The following AGBL1 variants were observed in gnomAD, a reference collection of about 807,000 sequenced individuals.
The protein encoded by AGBL1 is cytosolic carboxypeptidase 4.
AGBL1 carries 130 observed loss-of-function variants against 118.9 expected under a neutral mutation model. That is an observed-to-expected ratio of 1.09 (90% CI 0.95 to 1.26). AGBL1 has a LOEUF of 1.26. Among genes scored for constraint, AGBL1 ranks in the 50% most tolerant of loss-of-function variants. AGBL1 has a pLI of 0.00. For synonymous variants in AGBL1, 555 were observed against 478.9 expected (o/e 1.16, Z -2.08); for missense variants, 1,584 against 1,298.1 (o/e 1.22, Z -3.38).
chr15:86,227,488 C>A (rs1314579286), intron 6 of AGBL1, among the ~76,000 whole-genome samples: 1 of 152,226 alleles, frequency 6.6e-6, no homozygotes, highest in African/African-American at 2.4e-5. Context: ...GGATATACAG[C>A]AACATCCCTG....
In AGBL1 at chr15:86,566,900, A is replaced by G. The variant is rs1458413228; in HGVS notation, c.2994+12363A>G. Among the ~76,000 whole-genome samples, 3 of 152,184 alleles carry G rather than the reference A, an allele frequency of 2.0e-5. No homozygotes were observed. The East Asian group carries it at 5.8e-4, about 29-fold the overall frequency. On this transcript the variant is annotated intron_variant, in intron 21 of 22. Transcript: ENST00000614907. ...TTCCAGGGAGAGCTCTACATTTCAC[A>G]GTTGTGACCTTGAGACAGTTCCTGA...
At chr15:86,282,197 G>A (rs961719235) in intron 16 of AGBL1, among the ~76,000 whole-genome samples, 1 of 152,110 alleles carries the variant, frequency 6.6e-6, no homozygotes, top group African/African-American at 2.4e-5. Flanking sequence ...GGGGGTCAAT[G>A]AGGAGAAGAT....
intron 22 of AGBL1, among the ~76,000 whole-genome samples, chr15:86,833,332 C>G (rs757140932): frequency 5.9e-5 from 9 of 152,066 alleles, no homozygotes; most frequent in Non-Finnish European, 1.3e-4. Context: ...ATTGTACCTC[C>G]CAGAATTCCC....
chr15:86,553,006 G>A (rs1466937598), intron 20 of AGBL1, among the ~76,000 whole-genome samples: 1 of 152,060 alleles, frequency 6.6e-6, no homozygotes. Context: ...AAGTACCAGA[G>A]AGAGTAAGAG....
At chr15:86,742,336 C>T (rs1164831649) in intron 22 of AGBL1, among the ~76,000 whole-genome samples, 5 of 152,128 alleles carry the variant, frequency 3.3e-5, no homozygotes, top group Admixed American at 6.6e-5. Context: ...AAACAATGCC[C>T]TCTGCTTTTG....
chr15:86,543,643 A>G (rs1334308330), intron 19 of AGBL1, among the ~76,000 whole-genome samples: 1 of 152,178 alleles, frequency 6.6e-6, no homozygotes, highest in Non-Finnish European at 1.5e-5. Flanking sequence ...AAAAATAAGT[A>G]CCTCACAAGG....
chr15:86,430,897 T>C lies in AGBL1; in HGVS notation c.2555+33351T>C, dbSNP rs545535861. 5.9e-5 allele frequency among the ~76,000 whole-genome samples: 9 copies of C among 152,316 alleles called. No homozygotes were observed. In the East Asian group the frequency reaches 1.7e-3, roughly 29 times the overall value. On this transcript the variant is annotated intron_variant, in intron 18 of 22. Coordinates refer to ENST00000614907, the MANE Select transcript of AGBL1 (RefSeq NM_001386094.1). ...ATGTAACAATAAATAGTTTCTAGCA[T>C]TTTATACTACAAAATCTCTTTTAAT...
At chr15:86,505,148 T>C (rs1251295635) in intron 18 of AGBL1, among the ~76,000 whole-genome samples, 1 of 151,920 alleles carries the variant, frequency 6.6e-6, no homozygotes, top group Non-Finnish European at 1.5e-5. Context: ...AGGTTTCTTG[T>C]ATAGCATTAG....
chr15:86,619,259 A>G (rs771440891), intron 21 of AGBL1, among the ~76,000 whole-genome samples: 3 of 151,698 alleles, frequency 2.0e-5, no homozygotes, highest in Admixed American at 6.6e-5. Flanking sequence ...ACCTCCTACA[A>G]TGCCTTTAAT....
chr15:86,491,662 A>G (rs531490335), intron 18 of AGBL1, among the ~76,000 whole-genome samples: 1 of 152,208 alleles, frequency 6.6e-6, no homozygotes, highest in East Asian at 1.9e-4. Context: ...CATTAGGGGT[A>G]GAGAGGTTGA....
At chr15:86,442,401 A>G (rs1226881844) in intron 18 of AGBL1, among the ~76,000 whole-genome samples, 1 of 152,168 alleles carries the variant, frequency 6.6e-6, no homozygotes, top group Non-Finnish European at 1.5e-5. Flanking sequence ...TCTGGCCTAG[A>G]TGCCTCTTCC....
At chr15:86,957,262 A>T (rs1193015700) in intron 23 of AGBL1, among the ~76,000 whole-genome samples, 2 of 152,104 alleles carry the variant, frequency 1.3e-5, no homozygotes, top group Non-Finnish European at 2.9e-5. Flanking sequence ...ATCTACTAAA[A>T]TCCTACAGAA....
chr15:86,175,448 TA>T lies in AGBL1; in HGVS notation c.488+16427del, dbSNP rs551620878. On this transcript the variant is annotated intron_variant, in intron 5 of 22. Coordinates refer to ENST00000614907, the MANE Select transcript of AGBL1 (RefSeq NM_001386094.1). ...CAGTTTATTGATTTTATTTATTTTT[TA>T]AAAACTTCATTTCATTGATCCTTTG... is the stretch of plus-strand genomic sequence containing the variant. Among the ~76,000 whole-genome samples the T allele has an allele frequency of 3.0e-3, 452 of 152,144 alleles. 1 individual carries two copies. Among genetic ancestry groups the T allele is most frequent in the Middle Eastern group, 6.8e-3 (2 of 294 alleles).
intron 18 of AGBL1, among the ~76,000 whole-genome samples, chr15:86,434,229 G>A (rs1343000572): frequency 6.6e-6 from 1 of 152,180 alleles, no homozygotes; most frequent in Non-Finnish European, 1.5e-5. Flanking sequence ...AGAGTTTTAC[G>A]AGTCTCATTT....
intron 5 of AGBL1, among the ~76,000 whole-genome samples, chr15:86,219,082 C>A (rs2078236751): frequency 6.6e-6 from 1 of 152,230 alleles, no homozygotes; most frequent in African/African-American, 2.4e-5. Flanking sequence ...GAATATCTGA[C>A]TTCCAAGAGA....
intron 9 of AGBL1, 27 bp from the exon 10 acceptor site, chr15:86,262,751 A>G: frequency 1.4e-6 from 2 of 1,476,730 alleles, no homozygotes; most frequent in Non-Finnish European, 1.9e-6. Flanking sequence ...CCTGACTGTA[A>G]TCTCTTCTAT....
intron 17 of AGBL1, among the ~76,000 whole-genome samples, chr15:86,373,496 G>A (rs957989007): frequency 3.9e-5 from 6 of 152,202 alleles, no homozygotes; most frequent in African/African-American, 1.4e-4. Flanking sequence ...AAAGTTCTAT[G>A]TGTCAGAGAT....
intron 21 of AGBL1, among the ~76,000 whole-genome samples, chr15:86,649,138 T>C (rs1437426302): frequency 6.6e-6 from 1 of 152,128 alleles, no homozygotes; most frequent in Non-Finnish European, 1.5e-5. Context: ...GATGAGGAAA[T>C]AGGATCTGAT....
At chr15:86,653,379 C>G (rs868307983) in intron 21 of AGBL1, among the ~76,000 whole-genome samples, 1 of 152,260 alleles carries the variant, frequency 6.6e-6, no homozygotes, top group East Asian at 1.9e-4. Flanking sequence ...TCCTATAATA[C>G]CACAAAGCCC....
Sources: gnomAD v4.1 joint callset for allele counts (sites outside exome capture counted in the v4.1 genomes callset) on GRCh38, gnomAD v4.1.1 for gene constraint, MANE v1.5 for transcripts, NCBI Gene and HGNC (gene_info 2026-07-23, HGNC 2026-07-21) for gene names.